SUCLG1: variants seen among roughly 807,000 people sequenced by gnomAD.
SUCLG1 encodes the protein succinate-CoA ligase GDP/ADP-forming subunit alpha.
In SUCLG1, 26 loss-of-function variants were observed where a neutral mutation model predicts 37.3. The observed-to-expected ratio is 0.70, with a 90% CI of 0.51 to 0.97. SUCLG1 has a LOEUF of 0.97. Ranked by LOEUF, SUCLG1 falls within the 50% of genes least tolerant of loss-of-function variation. The probability of loss-of-function intolerance (pLI) is 0.00; values close to 1 mark genes in which losing one functional copy is unlikely to be tolerated. For synonymous variants in SUCLG1, 163 were observed against 155.6 expected, an observed-to-expected ratio of 1.05 and a Z score of -0.36; for missense variants, 433 against 432.9, an observed-to-expected ratio of 1.00 and a Z score of 0.00.
chr2:84,444,366 G>A (rs749255787), intron 2 of SUCLG1, among the ~76,000 whole-genome samples: 27 of 152,230 alleles, frequency 1.8e-4, no homozygotes, highest in African/African-American at 5.5e-4. Context: ...ATCACATGTC[G>A]GCAGGTTCCA....
In SUCLG1 at chr2:84,423,792, A is replaced by G; in HGVS notation, c.1015-20T>C. ...AAATTCCTTCAGAAACAGAAGAGAG[A>G]GAGAAGAGAGATGGAATGAATAAAG... On this transcript the variant is annotated intron_variant, in intron 8 of 8. Coordinates refer to ENST00000393868, the MANE Select transcript of SUCLG1 (RefSeq NM_003849.4). The G allele has an allele frequency of 2.5e-6, 4 of 1,602,622 alleles. No homozygotes were observed. The highest frequency in any genetic ancestry group is 2.6e-6 in the Non-Finnish European group (3 of 1,174,162).
intron 5 of SUCLG1, among the ~76,000 whole-genome samples, chr2:84,439,162 C>T (rs1486756016): frequency 6.7e-6 from 1 of 150,096 alleles, no homozygotes; most frequent in Non-Finnish European, 1.5e-5. Flanking sequence ...ACTCTGGACA[C>T]AGTGTCACAT....
chr2:84,428,915 C>T (rs1435852044), intron 7 of SUCLG1, among the ~76,000 whole-genome samples: 1 of 152,176 alleles, frequency 6.6e-6, no homozygotes, highest in Non-Finnish European at 1.5e-5. Context: ...CACCCCAGTT[C>T]GTTTGCTGTA....
intron 3 of SUCLG1, 103 bp downstream of exon 3, chr2:84,443,181 G>T: frequency 9.8e-7 from 1 of 1,023,864 alleles, no homozygotes; most frequent in East Asian, 2.4e-5. Flanking sequence ...TTTTCAAATA[G>T]CAAGTGACTC....
At chr2:84,427,331 G>A (rs545213547) in intron 7 of SUCLG1, among the ~76,000 whole-genome samples, 1 of 152,328 alleles carries the variant, frequency 6.6e-6, no homozygotes, top group Admixed American at 6.5e-5. Flanking sequence ...GTTGGAATCT[G>A]AAACCATAGC....
In SUCLG1 at chr2:84,450,270, T is replaced by C. The variant is rs1007430419; in HGVS notation, c.98-518A>G. On this transcript the variant is annotated intron_variant, in intron 1 of 8. Coordinates refer to ENST00000393868, the MANE Select transcript of SUCLG1 (RefSeq NM_003849.4). ...CTCATTCTCTAGTAAGAACAACATA[T>C]TAAATGTTAAGTCATAGGATAAAAC... 3.9e-5 allele frequency among the ~76,000 whole-genome samples: 6 copies of C among 152,018 alleles called. No individual in the cohort carries two copies. In the South Asian group the frequency reaches 6.2e-4, roughly 16 times the overall value.
At chr2:84,441,654 T>A (rs1209624795) in intron 3 of SUCLG1, among the ~76,000 whole-genome samples, 195 bp from the exon 4 acceptor site, 1 of 152,140 alleles carries the variant, frequency 6.6e-6, no homozygotes, top group Non-Finnish European at 1.5e-5. Flanking sequence ...CTCAGCCCAT[T>A]TGAATGCCAC....
intron 5 of SUCLG1, among the ~76,000 whole-genome samples, chr2:84,438,952 G>A (rs1380067953): frequency 1.3e-5 from 2 of 152,164 alleles, no homozygotes; most frequent in Admixed American, 6.5e-5. Context: ...GGGAATAAAA[G>A]CTGGCCACTC....
chr2:84,431,380 C>T lies in SUCLG1; in HGVS notation c.825+128G>A, dbSNP rs1334763531. Reference sequence around the variant, plus strand: ...TTGTCTGAGTGTCCAGTATAGAAGGCCCTGCTCAGAAAGTTTTATCTTTCA... The same window carrying T: ...TTGTCTGAGTGTCCAGTATAGAAGGTCCTGCTCAGAAAGTTTTATCTTTCA... On this transcript the variant is annotated intron_variant, in intron 7 of 8. Coordinates refer to ENST00000393868, the MANE Select transcript of SUCLG1 (RefSeq NM_003849.4). 5 of 1,153,412 alleles carry T rather than the reference C, an allele frequency of 4.3e-6. No homozygotes were observed. The East Asian group carries it at 1.2e-4, about 28-fold the overall frequency. The allele number at this position is 1,153,412 out of a possible 1,614,324, so 71.4% of individuals were successfully genotyped here.
intron 7 of SUCLG1, among the ~76,000 whole-genome samples, chr2:84,430,989 A>C (rs192025794): frequency 6.6e-6 from 1 of 152,300 alleles, no homozygotes; most frequent in Admixed American, 6.5e-5. Context: ...AGAAGCAACA[A>C]GGAAAGCCTC....
intron 1 of SUCLG1, among the ~76,000 whole-genome samples, chr2:84,458,740 C>A (rs1418255160): frequency 2.0e-5 from 3 of 152,144 alleles, no homozygotes; most frequent in African/African-American, 7.2e-5. Flanking sequence ...ACAGCCTCAT[C>A]CCCCAACTTC....
Position 84,443,344 on chromosome 2 carries a change from G to A in SUCLG1, c.258C>T (p.Thr86=). 1 of 1,614,196 alleles carries A rather than the reference G, an allele frequency of 6.2e-7. No individual in the cohort carries two copies. Among genetic ancestry groups the A allele is most frequent in the South Asian group, 1.1e-5 (1 of 91,082 alleles). ...LEYGTKLVGG[T]TPGKGGQTHL... is the part of the protein sequence containing the mutation. ...GTGTCTGGCCTCCTTTCCCTGGAGT[G>A]GTTCCTCCAACGAGTTTGGTGCCAT... The change falls in exon 3 of 9, where the codon ACC becomes ACT. Residue 86 remains threonine, a synonymous_variant. Transcript: ENST00000393868.
In SUCLG1 at chr2:84,433,125, G is replaced by A. The variant is rs1219429935; in HGVS notation, c.673+227C>T. On this transcript the variant is annotated intron_variant, in intron 6 of 8. Transcript: ENST00000393868. ...GGCACCAAGGTGCTTCGGGAGCCAC[G>A]TGTTCCAAGATGTTAGTTCTTCAAC... is the stretch of plus-strand genomic sequence containing the variant. The A allele has an allele frequency of 3.6e-5, 21 of 581,254 alleles. 1 individual carries two copies. Among genetic ancestry groups the A allele is most frequent in the Non-Finnish European group, 5.8e-5 (19 of 325,838 alleles). The allele number at this position is 581,254 out of a possible 1,614,324, so 36.0% of individuals were successfully genotyped here.
intron 2 of SUCLG1, chr2:84,448,967 GA>G: frequency 7.4e-6 from 3 of 402,688 alleles, no homozygotes; most frequent in South Asian, 1.9e-5. Context: ...AGAAAGGTAG[GA>G]AAAAGGAAAG....
intron 2 of SUCLG1, among the ~76,000 whole-genome samples, chr2:84,444,563 T>C (rs2104258144): frequency 6.6e-6 from 1 of 152,272 alleles, no homozygotes; most frequent in Non-Finnish European, 1.5e-5. Flanking sequence ...GAAATTAAAA[T>C]TGCTAATGAA....
chr2:84,431,739 G>T, intron 6 of SUCLG1, 80 bp from the exon 7 acceptor site: 1 of 1,471,016 alleles, frequency 6.8e-7, no homozygotes, highest in Non-Finnish European at 9.4e-7. Flanking sequence ...TTTTTAACTA[G>T]TTTGTCATTT....
chr2:84,439,351 A>AG (rs1672735038), intron 5 of SUCLG1, among the ~76,000 whole-genome samples: 1 of 152,226 alleles, frequency 6.6e-6, no homozygotes, highest in Admixed American at 6.5e-5. Context: ...TAGAAAGCAG[A>AG]GCAGTGATCA....
chr2:84,447,893 C>T (rs1237858229), intron 2 of SUCLG1, among the ~76,000 whole-genome samples: 4 of 151,976 alleles, frequency 2.6e-5, no homozygotes, highest in Non-Finnish European at 4.4e-5. Context: ...CCACACCCAG[C>T]TAATTTTTCT....
At chr2:84,426,333 T>A (rs1374842433) in intron 7 of SUCLG1, 1 of 149,992 alleles carries the variant, frequency 6.7e-6, no homozygotes, top group Non-Finnish European at 1.5e-5. Flanking sequence ...TGCAAAGTAG[T>A]TGAAGAAATA....
Sources: allele counts gnomAD v4.1 joint callset (sites outside exome capture counted in the v4.1 genomes callset), GRCh38; gene constraint gnomAD v4.1.1; transcripts MANE v1.5; gene names NCBI Gene and HGNC (gene_info 2026-07-23, HGNC 2026-07-21).